Variants in ZFHX3 observed in about 807,000 individuals in gnomAD.
The protein encoded by ZFHX3 is zinc finger homeobox protein 3.
ZFHX3 carries 42 observed loss-of-function variants against 279.1 expected under a neutral mutation model. That is an observed-to-expected ratio of 0.15 (90% CI 0.12 to 0.19). The LOEUF is 0.19. ZFHX3 is among the 10% of genes least tolerant of loss of function. ZFHX3 has a pLI of 1.00. For synonymous variants in ZFHX3, 2,293 were observed against 1,957.8 expected, an observed-to-expected ratio of 1.17 and a Z score of -4.52; for missense variants, 4,981 against 4,754.0, an observed-to-expected ratio of 1.05 and a Z score of -1.40.
intron 2 of ZFHX3, among the ~76,000 whole-genome samples, chr16:73,644,061 C>T (rs1433423567): frequency 6.6e-6 from 1 of 152,074 alleles, no homozygotes; most frequent in Non-Finnish European, 1.5e-5. Flanking sequence ...GCAGGATGGA[C>T]CACACACCCC....
At chr16:73,276,356 G>C (rs1236114539) in intron 4 of ZFHX3, among the ~76,000 whole-genome samples, 1 of 151,516 alleles carries the variant, frequency 6.6e-6, no homozygotes, top group Non-Finnish European at 1.5e-5. Context: ...CTAATTTTTG[G>C]TATTTTTAGT....
At chr16:72,915,836 T>C (rs1232934307) in intron 3 of ZFHX3, among the ~76,000 whole-genome samples, 1 of 152,122 alleles carries the variant, frequency 6.6e-6, no homozygotes, top group Non-Finnish European at 1.5e-5. Context: ...TGCAGAAAAG[T>C]GTTATTAATA....
intron 2 of ZFHX3, among the ~76,000 whole-genome samples, chr16:73,676,009 C>A (rs1005774380): frequency 1.3e-5 from 2 of 151,962 alleles, no homozygotes; most frequent in East Asian, 1.9e-4. Context: ...AACGTACCAA[C>A]CATCCATCTT....
chr16:73,109,223 T>C (rs780508246), intron 7 of ZFHX3, among the ~76,000 whole-genome samples: 111 of 152,360 alleles, frequency 7.3e-4, no homozygotes, highest in Non-Finnish European at 1.3e-3. Context: ...TGTGAACGCA[T>C]GCGTGTGCAT....
At chr16:73,593,249 G>C (rs2052016894) in intron 2 of ZFHX3, among the ~76,000 whole-genome samples, 1 of 151,840 alleles carries the variant, frequency 6.6e-6, no homozygotes, top group Non-Finnish European at 1.5e-5. Context: ...CAGAAAAAAG[G>C]GAACAGTCTC....
upstream of ZFHX3, among the ~76,000 whole-genome samples, chr16:73,048,891 G>A (rs1033456280): frequency 6.6e-6 from 1 of 152,204 alleles, no homozygotes; most frequent in Non-Finnish European, 1.5e-5. Flanking sequence ...AAAAGAAGTG[G>A]GAAGAAAAGG....
At chr16:73,240,683 A>G (rs2013095177) in intron 5 of ZFHX3, among the ~76,000 whole-genome samples, 1 of 152,124 alleles carries the variant, frequency 6.6e-6, no homozygotes, top group African/African-American at 2.4e-5. Flanking sequence ...TGATGTTTTC[A>G]CCTCCCTGCA....
At chr16:73,577,959 C>G (rs2051818174) in intron 2 of ZFHX3, among the ~76,000 whole-genome samples, 1 of 152,198 alleles carries the variant, frequency 6.6e-6, no homozygotes, top group Non-Finnish European at 1.5e-5. Context: ...CATGCAGACT[C>G]TAAAACTTTT....
chr16:73,701,234 T>C (rs1013180665), intron 1 of ZFHX3, among the ~76,000 whole-genome samples: 1 of 152,234 alleles, frequency 6.6e-6, no homozygotes, highest in Non-Finnish European at 1.5e-5. Flanking sequence ...TCAAGTGATG[T>C]TGGTTTTCTT....
chr16:73,027,724 G>C (rs1282268399), intron 1 of ZFHX3, among the ~76,000 whole-genome samples: 1 of 152,160 alleles, frequency 6.6e-6, no homozygotes, highest in Admixed American at 6.5e-5. Context: ...TGGCCAGAAA[G>C]GGGTTAATGC....
At chr16:73,492,263 T>C (rs1275891846) in intron 2 of ZFHX3, among the ~76,000 whole-genome samples, 2 of 152,104 alleles carry the variant, frequency 1.3e-5, no homozygotes, top group African/African-American at 4.8e-5. Context: ...CACTCCTGAC[T>C]CCTCCCCCTT....
chr16:73,638,254 T>C (rs914463794), intron 2 of ZFHX3, among the ~76,000 whole-genome samples: 1 of 152,224 alleles, frequency 6.6e-6, no homozygotes, highest in Non-Finnish European at 1.5e-5. Context: ...TGGAAATTAA[T>C]CGAGGATTGA....
intron 4 of ZFHX3, among the ~76,000 whole-genome samples, chr16:72,849,860 C>CAAAAAAAAAAAAAAAAAA (rs542156633): frequency 3.5e-5 from 2 of 56,564 alleles, no homozygotes; most frequent in Non-Finnish European, 5.9e-5. Flanking sequence ...GTTCACCTAC[C>CAAAAAAAAAAAAAAAAAA]AAAAAAAAAA....
At chr16:73,012,546 G>A (rs919774844) in intron 1 of ZFHX3, among the ~76,000 whole-genome samples, 1 of 152,040 alleles carries the variant, frequency 6.6e-6, no homozygotes, top group African/African-American at 2.4e-5. Flanking sequence ...GGTGCCCAAC[G>A]GTGGCTACAC....
intron 1 of ZFHX3, among the ~76,000 whole-genome samples, chr16:73,813,598 C>G (rs139824372): frequency 6.6e-6 from 1 of 152,170 alleles, no homozygotes; most frequent in Non-Finnish European, 1.5e-5. Flanking sequence ...TTTTCCCACT[C>G]GTAGTAGGAT....
At chr16:73,423,824 T>C (rs1014284383) in intron 3 of ZFHX3, among the ~76,000 whole-genome samples, 14 of 148,046 alleles carry the variant, frequency 9.5e-5, no homozygotes, top group Admixed American at 8.8e-4. Context: ...ATCACACCAC[T>C]GCACTCTAGC....
chr16:72,838,590 A>C (rs1006125182), intron 4 of ZFHX3, among the ~76,000 whole-genome samples: 25 of 152,186 alleles, frequency 1.6e-4, no homozygotes, highest in African/African-American at 6.0e-4. Context: ...TGAAGTGAAA[A>C]ATGCTGCCGT....
chr16:72,799,106 T>C (rs554896817), intron 8 of ZFHX3, among the ~76,000 whole-genome samples: 109 of 152,370 alleles, frequency 7.2e-4, no homozygotes, highest in Middle Eastern at 3.4e-3. Flanking sequence ...TCATCTTTTA[T>C]GTAATAAGCA....
chr16:73,373,673 G>A (rs1467525821), intron 3 of ZFHX3, among the ~76,000 whole-genome samples: 4 of 152,122 alleles, frequency 2.6e-5, no homozygotes, highest in South Asian at 4.1e-4. Context: ...AAAATGAGGC[G>A]GTACATGATA....
Sources: allele counts gnomAD v4.1 joint callset (sites outside exome capture counted in the v4.1 genomes callset), GRCh38; gene constraint gnomAD v4.1.1; transcripts MANE v1.5; gene names NCBI Gene and HGNC (gene_info 2026-07-23, HGNC 2026-07-21).